PIBF1: variants seen among roughly 807,000 people sequenced by gnomAD.
The protein encoded by PIBF1 is progesterone-induced-blocking factor 1.
In PIBF1, 90 loss-of-function variants were observed where a neutral mutation model predicts 112.5. The ratio of observed to expected loss-of-function variants is 0.80; its 90% CI spans 0.67 to 0.95. The LOEUF (loss-of-function observed/expected upper bound fraction) is 0.95. Among genes scored for constraint, PIBF1 ranks in the 40% least tolerant of loss-of-function variants. The pLI is 0.00. For synonymous variants in PIBF1, 301 were observed against 288.6 expected, an observed-to-expected ratio of 1.04 and a Z score of -0.44; for missense variants, 915 against 852.3, an observed-to-expected ratio of 1.07 and a Z score of -0.92.
intron 11 of PIBF1, among the ~76,000 whole-genome samples, chr13:72,897,631 G>T (rs1463048967): frequency 6.6e-6 from 1 of 152,160 alleles, no homozygotes; most frequent in African/African-American, 2.4e-5. Flanking sequence ...GGCATTTCAT[G>T]CAATGAACAC....
At chr13:72,858,110 G>A (rs1029299824) in intron 10 of PIBF1, among the ~76,000 whole-genome samples, 1 of 151,662 alleles carries the variant, frequency 6.6e-6, no homozygotes, top group African/African-American at 2.4e-5. Context: ...GGAGTGCAGT[G>A]GCACAATCTC....
intron 10 of PIBF1, among the ~76,000 whole-genome samples, chr13:72,884,101 C>G (rs1475816245): frequency 6.6e-6 from 1 of 152,026 alleles, no homozygotes; most frequent in East Asian, 1.9e-4. Flanking sequence ...TACTACGTAC[C>G]TATAAAAATT....
intron 15 of PIBF1, among the ~76,000 whole-genome samples, chr13:72,967,699 G>A (rs746238377): frequency 1.3e-5 from 2 of 152,006 alleles, no homozygotes; most frequent in African/African-American, 2.4e-5. Flanking sequence ...TTGTTGAAGC[G>A]GGGTGATAGA....
intron 9 of PIBF1, among the ~76,000 whole-genome samples, chr13:72,849,973 A>G (rs2038056083): frequency 1.3e-5 from 2 of 152,380 alleles, no homozygotes; most frequent in Non-Finnish European, 2.9e-5. Flanking sequence ...CATGGTAAAC[A>G]GTATGCTATT....
At chr13:72,798,263 A>G (rs535376285) in intron 5 of PIBF1, among the ~76,000 whole-genome samples, 2 of 152,316 alleles carry the variant, frequency 1.3e-5, no homozygotes, top group African/African-American at 4.8e-5. Context: ...TTGCAAGTCA[A>G]TTTTATAATC....
chr13:72,905,080 TG>T (rs66556003), intron 11 of PIBF1, among the ~76,000 whole-genome samples: 87,287 of 146,608 alleles, frequency 0.6, 26,613 homozygotes, highest in East Asian at 0.75. Context: ...TTTTTTTTTT[TG>T]GAGACAGAGT....
At chr13:72,931,718 G>GTATGTATATATATATA (rs1555317842) in intron 14 of PIBF1, among the ~76,000 whole-genome samples, 1 of 101,978 alleles carries the variant, frequency 9.8e-6, no homozygotes, top group Non-Finnish European at 2.0e-5. Flanking sequence ...TTTAAACTAC[G>GTATGTATATATATATA]TATATATATA....
chr13:72,796,702 C>T (rs1273239823), intron 4 of PIBF1, among the ~76,000 whole-genome samples: 3 of 149,276 alleles, frequency 2.0e-5, no homozygotes, highest in African/African-American at 7.4e-5. Flanking sequence ...CCAAAGTATA[C>T]TGTCCAAAAC....
chr13:72,946,890 G>A (rs2042163187), intron 14 of PIBF1, among the ~76,000 whole-genome samples: 1 of 152,174 alleles, frequency 6.6e-6, no homozygotes, highest in African/African-American at 2.4e-5. Flanking sequence ...TCATGGGCTG[G>A]CAGTGTCTAC....
intron 1 of PIBF1, among the ~76,000 whole-genome samples, chr13:72,782,875 CGTGTGTGT>C (rs34618038): frequency 0.011 from 1,586 of 147,466 alleles, 11 homozygotes; most frequent in Middle Eastern, 0.017. Flanking sequence ...TCGTTAAGGG[CGTGTGTGT>C]GTGTGTGTGT....
rs1014288393 is a variant in PIBF1 at position 72,821,922 on chromosome 13, A to G, written c.746A>G (p.Asp249Gly). Residue 249 changes from aspartate (D) to glycine (G), a missense_variant, in exon 6 of 18, where the codon GAC (aspartate) becomes GGC (glycine). Coordinates refer to ENST00000326291, the MANE Select transcript of PIBF1 (RefSeq NM_006346.4). ...CAACGTTTGGCCTTAGAATTAGCAG[A>G]CACAAAACAGTTAATTCAGCAAGGT... ...RCQRLALELA[D>G]TKQLIQQGDY... 2 of 1,612,938 alleles carry G rather than the reference A, an allele frequency of 1.2e-6. No individual in the cohort carries two copies. The highest frequency in any genetic ancestry group is 1.7e-6 in the Non-Finnish European group (2 of 1,179,306).
intron 11 of PIBF1, among the ~76,000 whole-genome samples, chr13:72,903,678 C>T (rs1002970297): frequency 6.6e-6 from 1 of 152,102 alleles, no homozygotes; most frequent in African/African-American, 2.4e-5. Flanking sequence ...GACAATTAAC[C>T]AGAGCATACA....
At chr13:72,942,687 G>A (rs1051434902) in intron 14 of PIBF1, among the ~76,000 whole-genome samples, 1 of 152,096 alleles carries the variant, frequency 6.6e-6, no homozygotes, top group Non-Finnish European at 1.5e-5. Context: ...CAAAATGTTT[G>A]TCTGTTTGTT....
intron 14 of PIBF1, among the ~76,000 whole-genome samples, chr13:72,937,368 C>T (rs1384809015): frequency 6.6e-6 from 1 of 152,114 alleles, no homozygotes; most frequent in Non-Finnish European, 1.5e-5. Context: ...TAACTTATCA[C>T]CATGTAGCTC....
intron 5 of PIBF1, among the ~76,000 whole-genome samples, chr13:72,820,985 TA>T (rs1412240805): frequency 1.3e-5 from 2 of 152,198 alleles, no homozygotes; most frequent in Non-Finnish European, 2.9e-5. Flanking sequence ...TCCCCACCCT[TA>T]AGATGTTTAC....
intron 8 of PIBF1, 30 bp downstream of exon 8, chr13:72,827,944 A>AT: frequency 6.9e-7 from 1 of 1,452,576 alleles, no homozygotes; most frequent in Non-Finnish European, 9.2e-7. Context: ...CCACGTAAAT[A>AT]GATACCAATT....
At chr13:72,869,997 T>C (rs2039095418) in intron 10 of PIBF1, among the ~76,000 whole-genome samples, 1 of 152,196 alleles carries the variant, frequency 6.6e-6, no homozygotes, top group Admixed American at 6.5e-5. Context: ...GTAAAAATTA[T>C]AATTTAATTG....
At chr13:72,822,755 G>A (rs1402846182) in intron 6 of PIBF1, among the ~76,000 whole-genome samples, 4 of 152,270 alleles carry the variant, frequency 2.6e-5, no homozygotes, top group Admixed American at 1.3e-4. Flanking sequence ...GCATAATACC[G>A]TATGTGAATT....
chr13:72,815,872 T>C (rs1375988552), intron 5 of PIBF1, among the ~76,000 whole-genome samples: 1 of 152,212 alleles, frequency 6.6e-6, no homozygotes, highest in Non-Finnish European at 1.5e-5. Context: ...GGCATGAGAA[T>C]CCATACTTTT....
Sources: gnomAD v4.1 joint callset for allele counts (sites outside exome capture counted in the v4.1 genomes callset) on GRCh38, gnomAD v4.1.1 for gene constraint, MANE v1.5 for transcripts, NCBI Gene and HGNC (gene_info 2026-07-23, HGNC 2026-07-21) for gene names.